The following APBB2 variants were observed in gnomAD, a reference collection of about 807,000 sequenced individuals.
APBB2 encodes Fe65-like 1.
In APBB2, 38 loss-of-function variants were observed where a neutral mutation model predicts 82.5. The ratio of observed to expected loss-of-function variants is 0.46; its 90% CI spans 0.36 to 0.60. The LOEUF (loss-of-function observed/expected upper bound fraction) is 0.60, where lower values mean the gene tolerates loss of function less well. Ranked by LOEUF, APBB2 falls within the 20% of genes least tolerant of loss-of-function variation. The pLI is 0.00. For missense variants in APBB2, 772 were observed against 972.3 expected, an observed-to-expected ratio of 0.79 and a Z score of 2.74; for synonymous variants, 341 against 368.2, an observed-to-expected ratio of 0.93 and a Z score of 0.85.
chr4:41,058,629 C>T (rs1728658801), intron 4 of APBB2, among the ~76,000 whole-genome samples: 1 of 152,196 alleles, frequency 6.6e-6, no homozygotes, highest in Non-Finnish European at 1.5e-5. Flanking sequence ...TGCTACACTA[C>T]AAAAATGTGG....
intron 6 of APBB2, among the ~76,000 whole-genome samples, chr4:40,959,987 T>A (rs1315525969): frequency 6.6e-6 from 1 of 152,134 alleles, no homozygotes. Flanking sequence ...TGCAGAAAAA[T>A]CTTGGTGTAT....
intron 1 of APBB2, among the ~76,000 whole-genome samples, chr4:41,205,843 C>G (rs1374480241): frequency 6.6e-6 from 1 of 152,128 alleles, no homozygotes; most frequent in Non-Finnish European, 1.5e-5. Flanking sequence ...TGCAGATGAG[C>G]AAACTGAGCA....
At chr4:41,134,677 C>T (rs908435747) in intron 2 of APBB2, among the ~76,000 whole-genome samples, 1 of 152,152 alleles carries the variant, frequency 6.6e-6, no homozygotes, top group Non-Finnish European at 1.5e-5. Context: ...AACACTGTCT[C>T]TGTCAAAGAA....
At chr4:41,185,765 C>G (rs1772726663) in intron 1 of APBB2, among the ~76,000 whole-genome samples, 1 of 152,160 alleles carries the variant, frequency 6.6e-6, no homozygotes, top group Non-Finnish European at 1.5e-5. Flanking sequence ...TGATTTCTAC[C>G]TGGTCACGTA....
intron 17 of APBB2, among the ~76,000 whole-genome samples, chr4:40,818,957 CTCTCA>C (rs1198108417): frequency 6.6e-6 from 1 of 152,076 alleles, no homozygotes; most frequent in African/African-American, 2.4e-5. Flanking sequence ...TCAAGGGGTC[CTCTCA>C]TCTCAGCCTC....
Position 40,880,674 on chromosome 4 carries a change from T to C in APBB2, c.1529+9690A>G, listed in dbSNP as rs1768211651. 3.0e-6 allele frequency: 3 copies of C among 985,302 alleles called. No individual in the cohort carries two copies. The South Asian group carries it at 1.4e-4, about 46-fold the overall frequency. 61.0% of individuals were successfully genotyped at this position (985,302 alleles called of 1,614,324 possible). A position where few individuals can be genotyped will look rare whatever the true frequency, so the allele number is the denominator to read the frequency against. ...GACACAGAGAATCAAACATGATAGA[T>C]CTCCCTCGCTCTGCATCCAGAAAGG... On this transcript the variant is annotated intron_variant, in intron 12 of 17. Transcript: ENST00000508593.
At chr4:40,829,904 C>T (rs1751294256) in intron 13 of APBB2, among the ~76,000 whole-genome samples, 1 of 152,156 alleles carries the variant, frequency 6.6e-6, no homozygotes, top group Non-Finnish European at 1.5e-5. Context: ...AACGGCAATC[C>T]CCAGCTCCCT....
chr4:40,844,566 C>T (rs1756960466), intron 12 of APBB2, among the ~76,000 whole-genome samples: 1 of 152,140 alleles, frequency 6.6e-6, no homozygotes, highest in African/African-American at 2.4e-5. Context: ...CTCAGGTTTG[C>T]TGGACCCCAG....
chr4:41,191,358 T>C (rs1393774199), intron 1 of APBB2, among the ~76,000 whole-genome samples: 1 of 152,240 alleles, frequency 6.6e-6, no homozygotes, highest in Non-Finnish European at 1.5e-5. Context: ...TGGTGTCCAC[T>C]GACAACATCA....
At chr4:41,130,605 G>T (rs1227379642) in intron 2 of APBB2, among the ~76,000 whole-genome samples, 2 of 152,050 alleles carry the variant, frequency 1.3e-5, no homozygotes, top group East Asian at 3.9e-4. Flanking sequence ...CCAGAGGGTG[G>T]CCCCCTCCTT....
intron 12 of APBB2, among the ~76,000 whole-genome samples, chr4:40,888,995 C>A (rs767512563): frequency 1.3e-5 from 2 of 152,242 alleles, no homozygotes; most frequent in Middle Eastern, 3.2e-3. Context: ...AGAGCTTCCT[C>A]GTAAAATTAA....
intron 12 of APBB2, among the ~76,000 whole-genome samples, chr4:40,886,260 C>T (rs1770232650): frequency 6.6e-6 from 1 of 152,196 alleles, no homozygotes; most frequent in African/African-American, 2.4e-5. Flanking sequence ...ATGTAGAGCA[C>T]CTGAGGTCAG....
intron 12 of APBB2, among the ~76,000 whole-genome samples, chr4:40,869,513 A>G (rs1764885305): frequency 6.6e-6 from 1 of 152,024 alleles, no homozygotes. Flanking sequence ...ACTTAAGCCC[A>G]GGAGATCCAG....
intron 12 of APBB2, among the ~76,000 whole-genome samples, chr4:40,886,981 G>A (rs1411808532): frequency 3.3e-5 from 5 of 152,214 alleles, no homozygotes; most frequent in Non-Finnish European, 7.3e-5. Context: ...TAAAGCAAAT[G>A]GGCCCCAAGA....
intron 12 of APBB2, among the ~76,000 whole-genome samples, chr4:40,837,229 C>G (rs1360152118): frequency 6.6e-6 from 1 of 151,890 alleles, no homozygotes; most frequent in African/African-American, 2.4e-5. Context: ...CGTCAGGCAG[C>G]CAAGCAGGCA....
intron 1 of APBB2, among the ~76,000 whole-genome samples, chr4:41,167,313 C>T (rs1766927006): frequency 6.6e-6 from 1 of 152,116 alleles, no homozygotes; most frequent in Admixed American, 6.5e-5. Context: ...ATCATGAATC[C>T]TTCTCATCTC....
At chr4:41,098,505 AGAG>A (rs1560746026) in intron 3 of APBB2, among the ~76,000 whole-genome samples, 1 of 152,174 alleles carries the variant, frequency 6.6e-6, no homozygotes. Flanking sequence ...TTTAGTACAC[AGAG>A]ATCTTTTTGT....
chr4:40,851,278 T>C (rs1205354337), intron 12 of APBB2, among the ~76,000 whole-genome samples: 1 of 152,110 alleles, frequency 6.6e-6, no homozygotes, highest in Non-Finnish European at 1.5e-5. Flanking sequence ...CTGCAAGTGC[T>C]TTAGAACCAA....
intron 10 of APBB2, among the ~76,000 whole-genome samples, chr4:40,919,588 T>C (rs1780732352): frequency 6.6e-6 from 1 of 152,204 alleles, no homozygotes; most frequent in African/African-American, 2.4e-5. Context: ...GCCTTAGAAA[T>C]GGTACACACT....
Sources: allele counts gnomAD v4.1 joint callset (sites outside exome capture counted in the v4.1 genomes callset), GRCh38; gene constraint gnomAD v4.1.1; transcripts MANE v1.5; gene names NCBI Gene and HGNC (gene_info 2026-07-23, HGNC 2026-07-21).